OSBPL8: variants seen among roughly 807,000 people sequenced by gnomAD.
The protein encoded by OSBPL8 is oxysterol binding protein like 8.
Under a neutral mutation model 125.5 loss-of-function variants are expected in OSBPL8, and 59 were observed. That is an observed-to-expected ratio of 0.47 (90% CI 0.38 to 0.58). OSBPL8 has a LOEUF of 0.58. Among genes scored for constraint, OSBPL8 ranks in the 20% least tolerant of loss-of-function variants. OSBPL8 has a pLI of 0.00. For synonymous variants in OSBPL8, 330 were observed against 338.9 expected (o/e 0.97, Z 0.29); for missense variants, 758 against 1,047.8 (o/e 0.72, Z 3.82).
At chr12:76,558,779 G>A (rs1046356346) in intron 1 of OSBPL8, among the ~76,000 whole-genome samples, 1 of 152,350 alleles carries the variant, frequency 6.6e-6, no homozygotes, top group South Asian at 2.1e-4. Flanking sequence ...TGAACCTAAA[G>A]CATGCTGCCT....
At chr12:76,522,174 A>G (rs1882125894) in intron 1 of OSBPL8, among the ~76,000 whole-genome samples, 1 of 152,218 alleles carries the variant, frequency 6.6e-6, no homozygotes, top group Non-Finnish European at 1.5e-5. Context: ...TCATTTGTGA[A>G]TAAATGAACC....
chr12:76,557,477 T>A (rs1339340270), intron 1 of OSBPL8, among the ~76,000 whole-genome samples: 1 of 152,020 alleles, frequency 6.6e-6, no homozygotes, highest in African/African-American at 2.4e-5. Flanking sequence ...TAGCCTGGCA[T>A]GGTGGCACGC....
At chr12:76,386,538 T>C in intron 13 of OSBPL8, 41 bp downstream of exon 13, 1 of 1,496,918 alleles carries the variant, frequency 6.7e-7, no homozygotes, top group Non-Finnish European at 9.1e-7. Flanking sequence ...AAAGAATTCA[T>C]AAAACACTAA....
chr12:76,379,188 C>T (rs1204071187), intron 15 of OSBPL8, among the ~76,000 whole-genome samples: 1 of 152,024 alleles, frequency 6.6e-6, no homozygotes, highest in Non-Finnish European at 1.5e-5. Flanking sequence ...TTGAATAAAA[C>T]CATTATTTTT....
intron 2 of OSBPL8, among the ~76,000 whole-genome samples, chr12:76,465,495 G>C (rs577388728): frequency 6.6e-6 from 1 of 152,080 alleles, no homozygotes; most frequent in South Asian, 2.1e-4. Flanking sequence ...GGGAGGCGGA[G>C]CTTACAGTGA....
At chr12:76,419,348 G>A (rs1327743117) in intron 4 of OSBPL8, among the ~76,000 whole-genome samples, 1 of 152,134 alleles carries the variant, frequency 6.6e-6, no homozygotes, top group Non-Finnish European at 1.5e-5. Flanking sequence ...AAAAGACATT[G>A]TTCCCTATCA....
intron 1 of OSBPL8, among the ~76,000 whole-genome samples, chr12:76,524,914 C>T (rs1470535640): frequency 6.6e-6 from 1 of 152,036 alleles, no homozygotes; most frequent in Non-Finnish European, 1.5e-5. Flanking sequence ...GAACTCCTGA[C>T]CTTAGGTGAT....
At position 76,373,259 on chromosome 12, in the gene OSBPL8, G is replaced by A. The variant is rs749527196; in HGVS notation, c.1917+85C>T. 17 of 847,266 alleles carry A rather than the reference G, an allele frequency of 2.0e-5. No individual in the cohort carries two copies. In the Middle Eastern group the frequency reaches 1.4e-3, roughly 71 times the overall value. The allele number at this position is 847,266 out of a possible 1,614,324, so 52.5% of individuals were successfully genotyped here. A position where few individuals can be genotyped will look rare whatever the true frequency, so the allele number is the denominator to read the frequency against. On this transcript the variant is annotated intron_variant, in intron 18 of 23. Transcript: ENST00000261183. ...GTTAAATAGTGATGTTTTCAGCAAC[G>A]GAATAAGTTTTAAATTTTAAATGTG...
chr12:76,430,756 CAAG>C (rs1465592719), intron 4 of OSBPL8, among the ~76,000 whole-genome samples: 1 of 152,090 alleles, frequency 6.6e-6, no homozygotes, highest in Non-Finnish European at 1.5e-5. Flanking sequence ...TGTTGCCAGC[CAAG>C]AACACTTTAA....
chr12:76,498,694 C>T (rs1879540575), intron 1 of OSBPL8, among the ~76,000 whole-genome samples: 1 of 149,316 alleles, frequency 6.7e-6, no homozygotes, highest in African/African-American at 2.5e-5. Context: ...GCTAATCCCT[C>T]TGGCACTTAG....
At chr12:76,460,495 CAAAA>C (rs912554875) in intron 2 of OSBPL8, among the ~76,000 whole-genome samples, 4 of 69,364 alleles carry the variant, frequency 5.8e-5, no homozygotes, top group Non-Finnish European at 6.9e-5. Context: ...TCTCAATTGG[CAAAA>C]AAAAAAAAAA....
chr12:76,389,924 G>A, intron 11 of OSBPL8, 95 bp from the exon 12 acceptor site: 1 of 909,370 alleles, frequency 1.1e-6, no homozygotes, highest in Non-Finnish European at 1.5e-6. Flanking sequence ...ACTCTTCTCA[G>A]GACTACTCCA....
intron 1 of OSBPL8, among the ~76,000 whole-genome samples, chr12:76,546,067 G>A (rs1310319656): frequency 6.6e-6 from 1 of 152,084 alleles, no homozygotes; most frequent in Non-Finnish European, 1.5e-5. Context: ...TTTACAATAC[G>A]CAGGTTCCGC....
intron 2 of OSBPL8, among the ~76,000 whole-genome samples, chr12:76,484,761 T>C (rs1054252505): frequency 2.0e-5 from 3 of 152,144 alleles, no homozygotes; most frequent in Non-Finnish European, 4.4e-5. Flanking sequence ...GTGATTATTT[T>C]ATAGTTAACT....
At chr12:76,359,795 C>A (rs894228610) in intron 21 of OSBPL8, among the ~76,000 whole-genome samples, 4 of 152,148 alleles carry the variant, frequency 2.6e-5, no homozygotes, top group Non-Finnish European at 5.9e-5. Flanking sequence ...ACCACGAGAA[C>A]AATATGGGGG....
chr12:76,360,780 A>C (rs1433999643), intron 21 of OSBPL8, among the ~76,000 whole-genome samples: 1 of 152,162 alleles, frequency 6.6e-6, no homozygotes, highest in Non-Finnish European at 1.5e-5. Context: ...TGGGGCTTGC[A>C]CCCTCTGAAA....
chr12:76,511,609 AGATGCTG>A (rs753552369), intron 1 of OSBPL8, among the ~76,000 whole-genome samples: 2 of 152,218 alleles, frequency 1.3e-5, no homozygotes, highest in African/African-American at 2.4e-5. Flanking sequence ...AGTTCCTTAT[AGATGCTG>A]GATATTAGAC....
At chr12:76,514,711 G>C (rs372431780) in intron 1 of OSBPL8, among the ~76,000 whole-genome samples, 9 of 152,286 alleles carry the variant, frequency 5.9e-5, no homozygotes, top group East Asian at 5.8e-4. Flanking sequence ...TAGCAAAGCT[G>C]GGGAAGTTTT....
intron 3 of OSBPL8, among the ~76,000 whole-genome samples, chr12:76,459,390 A>T (rs1229816118): frequency 6.6e-6 from 1 of 152,224 alleles, no homozygotes; most frequent in Non-Finnish European, 1.5e-5. Context: ...TCAAGGATAC[A>T]TCTTCTAAAT....
Sources: allele counts gnomAD v4.1 joint callset (sites outside exome capture counted in the v4.1 genomes callset), GRCh38; gene constraint gnomAD v4.1.1; transcripts MANE v1.5; gene names NCBI Gene and HGNC (gene_info 2026-07-23, HGNC 2026-07-21).